Variants in TCF7L2 observed in about 807,000 individuals in gnomAD.
TCF7L2 encodes transcription factor 7-like 2.
TCF7L2 carries 23 observed loss-of-function variants against 77.9 expected under a neutral mutation model. The ratio of observed to expected loss-of-function variants is 0.30; its 90% confidence interval spans 0.21 to 0.42. The LOEUF is 0.42. Among genes scored for constraint, TCF7L2 ranks in the 10% least tolerant of loss-of-function variants. The probability of loss-of-function intolerance (pLI) is 1.00; values close to 1 mark genes in which losing one functional copy is unlikely to be tolerated. For missense variants in TCF7L2, 654 were observed against 793.1 expected, an observed-to-expected ratio of 0.82 and a Z score of 2.11; for synonymous variants, 413 against 340.2, an observed-to-expected ratio of 1.21 and a Z score of -2.36.
Position 113,121,994 on chromosome 10 carries a change from G to A in TCF7L2, c.553-19190G>A, listed in dbSNP as rs143906681. ...TAACACAATCATTACATAACACACT[G>A]TAAATCAAAGGAATATATGAAGCTT... On this transcript the variant is annotated intron_variant, in intron 5 of 13. Coordinates refer to ENST00000627217, the MANE Select transcript of TCF7L2 (RefSeq NM_001146274.2). Among the ~76,000 whole-genome samples the A allele has an allele frequency of 3.9e-3, 593 of 152,282 alleles. 1 individual carries two copies. Among genetic ancestry groups the A allele is most frequent in the African/African-American group, 0.014 (564 of 41,562 alleles).
rs1453559822 is a variant in TCF7L2, at chr10:113,166,747, ATAAC to A, written c.*776_*779del. On this transcript the variant is annotated 3_prime_UTR_variant, in exon 14 of 14. Transcript: ENST00000627217. ...CCCCCTTAGCATAAGCATCTTATAT[ATAAC>A]AACTCATTTGTACAAGGTTTTTAAG... The A allele has an allele frequency of 4.4e-6, 1 of 229,032 alleles. No individual in the cohort carries two copies. The highest frequency in any genetic ancestry group is 2.2e-5 in the African/African-American group (1 of 45,116). The allele number at this position is 229,032 out of a possible 1,614,324, so 14.2% of individuals were successfully genotyped here.
At chr10:113,004,548 G>A (rs1431492568) in intron 4 of TCF7L2, among the ~76,000 whole-genome samples, 2 of 152,186 alleles carry the variant, frequency 1.3e-5, no homozygotes, top group African/African-American at 2.4e-5. Flanking sequence ...TTTACTTTTT[G>A]TAGGAAAGCT....
In TCF7L2 at chr10:113,073,129, T is replaced by TGTGTGTGTGA. The variant is rs56927661; in HGVS notation, c.552+33004_552+33005insTGTGTGTGAG. On this transcript the variant is annotated intron_variant, in intron 5 of 13. Coordinates refer to ENST00000627217, the MANE Select transcript of TCF7L2 (RefSeq NM_001146274.2). Reference sequence around the variant, plus strand: ...GTGTGTGTGTGTGTGTGTGTGTGTGTGAGAGAGAGAGAGAGAGAGAGACAG... The same window carrying TGTGTGTGTGA: ...GTGTGTGTGTGTGTGTGTGTGTGTGTGTGTGTGTGAGAGAGAGAGAGAGAGAGAGAGACAG... 3.5e-3 allele frequency among the ~76,000 whole-genome samples: 428 copies of TGTGTGTGTGA among 123,542 alleles called. 3 individuals carry two copies. Among genetic ancestry groups the TGTGTGTGTGA allele is most frequent in the African/African-American group, 0.012 (388 of 32,682 alleles). 81.0% of individuals were successfully genotyped at this position (123,542 alleles called of 152,430 possible). A position where few individuals can be genotyped will look rare whatever the true frequency, so the allele number is the denominator to read the frequency against.
At chr10:112,989,036 G>A (rs1296603078) in intron 4 of TCF7L2, among the ~76,000 whole-genome samples, 3 of 152,112 alleles carry the variant, frequency 2.0e-5, no homozygotes, top group Non-Finnish European at 2.9e-5. Flanking sequence ...CATGCTCTGC[G>A]GTTGCTATGT....
At position 112,965,629 on chromosome 10, in the gene TCF7L2, A is replaced by ATATG. The variant is rs1409332567; in HGVS notation, c.450+1006_450+1007insATGT. ...AGATAACTTGTCTGTGTGTGTGTATATGTGTGTGTGTGTGTGTGTGTGTGT... is the reference window on the plus strand; with the variant it reads ...AGATAACTTGTCTGTGTGTGTGTATATATGTGTGTGTGTGTGTGTGTGTGTGTGT... On this transcript the variant is annotated intron_variant, in intron 4 of 13. Transcript: ENST00000627217. Among the ~76,000 whole-genome samples the ATATG allele has an allele frequency of 9.8e-4, 135 of 137,322 alleles. 1 individual carries two copies. Among genetic ancestry groups the ATATG allele is most frequent in the African/African-American group, 3.5e-3 (131 of 37,176 alleles). 90.1% of individuals were successfully genotyped at this position (137,322 alleles called of 152,430 possible). A position where few individuals can be genotyped will look rare whatever the true frequency, so the allele number is the denominator to read the frequency against.
chr10:113,147,873 A>G (rs903605823), intron 8 of TCF7L2, among the ~76,000 whole-genome samples: 8 of 152,120 alleles, frequency 5.3e-5, no homozygotes, highest in Admixed American at 5.2e-4. Context: ...GGTGGAGGAA[A>G]GGCAGGGAAC....
intron 4 of TCF7L2, among the ~76,000 whole-genome samples, chr10:112,998,039 A>G (rs1022228361): frequency 9.2e-5 from 14 of 152,134 alleles, no homozygotes; most frequent in African/African-American, 3.4e-4. Context: ...CTGATTTACT[A>G]TAGAAGATGC....
intron 5 of TCF7L2, among the ~76,000 whole-genome samples, chr10:113,049,518 C>G (rs1564826075): frequency 6.6e-6 from 1 of 152,128 alleles, no homozygotes; most frequent in Non-Finnish European, 1.5e-5. Flanking sequence ...GCCATTACCA[C>G]TGGAGTCCAG....
At chr10:113,065,706 T>C (rs766293699) in intron 5 of TCF7L2, among the ~76,000 whole-genome samples, 41 of 152,268 alleles carry the variant, frequency 2.7e-4, no homozygotes, top group Middle Eastern at 3.4e-3. Flanking sequence ...CTTTATCAGC[T>C]TGAGAAGTTA....
intron 5 of TCF7L2, among the ~76,000 whole-genome samples, chr10:113,131,440 G>A (rs536649994): frequency 2.2e-4 from 34 of 152,316 alleles, no homozygotes; most frequent in African/African-American, 7.9e-4. Context: ...TGGAGGCTGT[G>A]TTGCAAATGT....
chr10:113,154,405 A>T (rs1438176719), intron 11 of TCF7L2, among the ~76,000 whole-genome samples: 1 of 152,134 alleles, frequency 6.6e-6, no homozygotes, highest in Non-Finnish European at 1.5e-5. Flanking sequence ...CACAGAGCGG[A>T]ATTCAGCTTC....
At chr10:112,991,607 C>T (rs1330124114) in intron 4 of TCF7L2, among the ~76,000 whole-genome samples, 4 of 151,960 alleles carry the variant, frequency 2.6e-5, no homozygotes, top group African/African-American at 4.8e-5. Context: ...GGGAGTCAGG[C>T]TCAGAGGCTG....
chr10:113,020,700 A>G (rs779255430), intron 4 of TCF7L2, among the ~76,000 whole-genome samples: 1 of 152,140 alleles, frequency 6.6e-6, no homozygotes, highest in Non-Finnish European at 1.5e-5. Context: ...CAGCCCTCTG[A>G]AGGGATATTA....
chr10:112,992,490 G>A (rs773112782), intron 4 of TCF7L2, among the ~76,000 whole-genome samples: 16 of 152,188 alleles, frequency 1.1e-4, no homozygotes, highest in African/African-American at 3.1e-4. Flanking sequence ...AGTGCTGGGC[G>A]AACATTTCTG....
chr10:112,983,627 G>T lies in TCF7L2; in HGVS notation c.450+19003G>T, dbSNP rs184377619. On this transcript the variant is annotated intron_variant, in intron 4 of 13. Coordinates refer to ENST00000627217, the MANE Select transcript of TCF7L2 (RefSeq NM_001146274.2). The stretch of plus-strand genomic sequence containing the variant: ...GGCCTCTGTGGTCAGGCTATTGTTT[G>T]TCTGAGTTTGTAATAAGCGTGTAAC... Among the ~76,000 whole-genome samples the T allele has an allele frequency of 3.2e-4, 48 of 152,194 alleles. No individual in the cohort carries two copies. In the East Asian group the frequency reaches 8.3e-3, roughly 26 times the overall value.
chr10:113,070,646 A>G (rs61872794), intron 5 of TCF7L2, among the ~76,000 whole-genome samples: 4,299 of 152,322 alleles, frequency 0.028, 75 homozygotes, highest in Middle Eastern at 0.054. Flanking sequence ...AGTCTCAAGC[A>G]CATTAATAGC....
chr10:113,146,379 A>T (rs1413125110), intron 8 of TCF7L2, among the ~76,000 whole-genome samples: 2 of 152,230 alleles, frequency 1.3e-5, no homozygotes, highest in Non-Finnish European at 2.9e-5. Flanking sequence ...GCTTTTAAAA[A>T]TGCCATTTCT....
rs1160017379 is a variant in TCF7L2, at chr10:112,997,760, A to G, written c.450+33136A>G. On this transcript the variant is annotated intron_variant, in intron 4 of 13. Transcript: ENST00000627217. ...CTGGAGTCAGGTGGAGCAAGATTCC[A>G]TGTTGGTTTCTGTTGGGCCTAGAGT... 2.6e-5 allele frequency among the ~76,000 whole-genome samples: 4 copies of G among 152,194 alleles called. No individual in the cohort carries two copies. The East Asian group carries it at 7.7e-4, about 29-fold the overall frequency.
chr10:113,159,096 A>G (rs2137399240), intron 12 of TCF7L2, among the ~76,000 whole-genome samples: 2 of 151,010 alleles, frequency 1.3e-5, no homozygotes, highest in Middle Eastern at 6.8e-3. Flanking sequence ...TGCTCCCACT[A>G]AGTTTTCTCA....
Sources: gnomAD v4.1 joint callset for allele counts (sites outside exome capture counted in the v4.1 genomes callset) on GRCh38, gnomAD v4.1.1 for gene constraint, MANE v1.5 for transcripts, NCBI Gene and HGNC (gene_info 2026-07-23, HGNC 2026-07-21) for gene names.